Variants in PDZD8 observed in about 807,000 individuals in gnomAD.
The protein encoded by PDZD8 is PDZ domain-containing protein 8.
A neutral mutation model predicts 85.8 loss-of-function variants in PDZD8; 14 were observed. That is an observed-to-expected ratio of 0.16 (90% confidence interval 0.11 to 0.26). The LOEUF (loss-of-function observed/expected upper bound fraction) is 0.26. Ranked by LOEUF, PDZD8 falls within the 10% of genes least tolerant of loss-of-function variation. The pLI, the probability that PDZD8 is intolerant of heterozygous loss-of-function variation, is 1.00. For synonymous variants in PDZD8, 592 were observed against 568.6 expected, an observed-to-expected ratio of 1.04 and a Z score of -0.59; for missense variants, 1,197 against 1,424.3, an observed-to-expected ratio of 0.84 and a Z score of 2.57.
Position 117,285,129 on chromosome 10 carries a change from C to A in PDZD8, c.1604G>T (p.Gly535Val), listed in dbSNP as rs1449440257. The part of the protein sequence containing the change: ...VPTTLSIKPL[G>V]AISPVLNRKL... The stretch of plus-strand genomic sequence containing the variant: ...ACGGTTTAAAACTGGTGATATAGCT[C>A]CAAGGGGTTTAATAGAAAGTGTTGT... The change falls in exon 5 of 5, where the codon GGA becomes GTA. Residue 535 changes from glycine (G) to valine (V), a missense_variant. Around this residue, in one of 4 missense-constraint regions of PDZD8, gnomAD observed 263 missense variants for 261.9 expected, o/e 1.00. Transcript: ENST00000334464. 1 of 1,613,988 alleles carries A rather than the reference C, an allele frequency of 6.2e-7. No individual in the cohort carries two copies. Among genetic ancestry groups the A allele is most frequent in the East Asian group, 2.2e-5 (1 of 44,890 alleles).
chr10:117,298,090 G>T (rs1450902992), intron 3 of PDZD8, among the ~76,000 whole-genome samples: 1 of 151,956 alleles, frequency 6.6e-6, no homozygotes, highest in Non-Finnish European at 1.5e-5. Flanking sequence ...TCAATCAAAT[G>T]CATACTGACT....
At chr10:117,352,120 G>C (rs1323092374) in intron 1 of PDZD8, among the ~76,000 whole-genome samples, 3 of 151,840 alleles carry the variant, frequency 2.0e-5, no homozygotes, top group African/African-American at 7.3e-5. Context: ...CTTACTTTAA[G>C]ATGTCTCTTC....
chr10:117,289,697 A>G (rs1158501870), intron 4 of PDZD8, among the ~76,000 whole-genome samples: 1 of 152,224 alleles, frequency 6.6e-6, no homozygotes, highest in Non-Finnish European at 1.5e-5. Flanking sequence ...GGCCATTTAG[A>G]TGACACAGGA....
rs1363273031 is a variant in PDZD8 at position 117,375,336 on chromosome 10, G to A, written c.-109C>T. The A allele has an allele frequency of 9.4e-7, 1 of 1,065,696 alleles. No individual in the cohort carries two copies. Among genetic ancestry groups the A allele is most frequent in the South Asian group, 1.9e-5 (1 of 51,412 alleles). 66.0% of individuals were successfully genotyped at this position (1,065,696 alleles called of 1,614,324 possible). A position where few individuals can be genotyped will look rare whatever the true frequency, so the allele number is the denominator to read the frequency against. On this transcript the variant is annotated 5_prime_UTR_variant, in exon 1 of 5. Transcript: ENST00000334464. ...TGAGGACATCGGGCGGCTGGGTCGG[G>A]GCGAGCGGCTCCGTGGGCCTCGTCC...
Position 117,374,329 on chromosome 10 carries a change from A to G in PDZD8, c.872+27T>C. The G allele has an allele frequency of 6.2e-7, 1 of 1,606,026 alleles. No individual in the cohort carries two copies. Among genetic ancestry groups the G allele is most frequent in the Non-Finnish European group, 8.5e-7 (1 of 1,174,490 alleles). On this transcript the variant is annotated intron_variant, in intron 1 of 4. Coordinates refer to ENST00000334464, the MANE Select transcript of PDZD8 (RefSeq NM_173791.5). The surrounding 1 kb of genome is among the most constrained non-coding windows in gnomAD (Gnocchi z 7.8). ...GCCCAGGCCCGGGTTCCCGGCAGCC[A>G]GGCCCCCTCCCCGACCTCCAGCTCA...
chr10:117,375,405 C>T lies in PDZD8; in HGVS notation c.-178G>A. On this transcript the variant is annotated 5_prime_UTR_variant, in exon 1 of 5. Transcript: ENST00000334464. Reference sequence around the variant, plus strand: ...GCTGCGGCGCCCGAGCCCGCAGCGGCCCGCGCCTCCTCAGACGCTCCCGAA... The same window carrying T: ...GCTGCGGCGCCCGAGCCCGCAGCGGTCCGCGCCTCCTCAGACGCTCCCGAA... 1 of 325,298 alleles carries T rather than the reference C, an allele frequency of 3.1e-6. No individual in the cohort carries two copies. Among genetic ancestry groups the T allele is most frequent in the Admixed American group, 5.0e-5 (1 of 19,954 alleles). 20.2% of individuals were successfully genotyped at this position (325,298 alleles called of 1,614,324 possible). A position where few individuals can be genotyped will look rare whatever the true frequency, so the allele number is the denominator to read the frequency against.
chr10:117,312,444 C>T (rs931248358), intron 3 of PDZD8, among the ~76,000 whole-genome samples: 1 of 152,138 alleles, frequency 6.6e-6, no homozygotes, highest in Non-Finnish European at 1.5e-5. Context: ...CTCCCCTTTC[C>T]TCCCAGGACA....
intron 2 of PDZD8, among the ~76,000 whole-genome samples, chr10:117,328,225 C>A (rs1051032071): frequency 1.3e-5 from 2 of 152,128 alleles, no homozygotes; most frequent in Non-Finnish European, 2.9e-5. Context: ...CTACAAGTTC[C>A]AGATTTGGTT....
At position 117,346,245 on chromosome 10, in the gene PDZD8, A is replaced by AT. The variant is rs970339520; in HGVS notation, c.873-5144_873-5143insA. On this transcript the variant is annotated intron_variant, in intron 1 of 4. Transcript: ENST00000334464. ...CGAAACTCCGTCCAAAAAAAAAAAA[A>AT]AAAAAACTATAGGGAGGTATTATGA... is the stretch of plus-strand genomic sequence containing the variant. Among the ~76,000 whole-genome samples, 23 of 151,560 alleles carry AT rather than the reference A, an allele frequency of 1.5e-4. 1 individual carries two copies. The East Asian group carries it at 4.5e-3, about 29-fold the overall frequency.
chr10:117,375,353 G>C lies in PDZD8; in HGVS notation c.-126C>G, dbSNP rs1190610824. Reference sequence around the variant, plus strand: ...TGGGTCGGGGCGAGCGGCTCCGTGGGCCTCGTCCAGGGGCTCGGGCCGGCG... The same window carrying C: ...TGGGTCGGGGCGAGCGGCTCCGTGGCCCTCGTCCAGGGGCTCGGGCCGGCG... On this transcript the variant is annotated 5_prime_UTR_variant, in exon 1 of 5. Coordinates refer to ENST00000334464, the MANE Select transcript of PDZD8 (RefSeq NM_173791.5). The C allele has an allele frequency of 2.6e-6, 2 of 764,176 alleles. No individual in the cohort carries two copies. The highest frequency in any genetic ancestry group is 8.0e-5 in the Admixed American group (2 of 24,950). 47.3% of individuals were successfully genotyped at this position (764,176 alleles called of 1,614,324 possible).
chr10:117,312,010 T>A (rs937192593), intron 3 of PDZD8, among the ~76,000 whole-genome samples: 3 of 152,040 alleles, frequency 2.0e-5, no homozygotes, highest in Admixed American at 6.6e-5. Context: ...GCTTTCCCAG[T>A]TCACTCCTAT....
chr10:117,283,539 G>A lies in PDZD8; in HGVS notation c.3194C>T (p.Thr1065Ile), dbSNP rs1442408534. The A allele has an allele frequency of 1.2e-6, 2 of 1,614,200 alleles. No individual in the cohort carries two copies. The highest frequency in any genetic ancestry group is 2.2e-5 in the East Asian group (1 of 44,894). ...NSLVREEKET[T>I]DTRKKSLLSA... is the part of the protein sequence containing the mutation. Reference sequence around the variant, plus strand: ...AAGAAGTGATTTTTTCCTTGTATCAGTTGTCTCTTTTTCTTCTCTAACAAG... The same window carrying A: ...AAGAAGTGATTTTTTCCTTGTATCAATTGTCTCTTTTTCTTCTCTAACAAG... The change falls in exon 5 of 5, where the codon ACT (threonine) becomes ATT (isoleucine). Residue 1065 changes from threonine to isoleucine, a missense_variant. By Grantham distance (89) the Thr-to-Ile change is moderately conservative. Coordinates refer to ENST00000334464, the MANE Select transcript of PDZD8 (RefSeq NM_173791.5).
chr10:117,365,679 A>G lies in PDZD8; in HGVS notation c.872+8677T>C, dbSNP rs564787003. ...CCTAGTACAAATACAGGAAGTGTAC[A>G]GTTTTATGCCAGTCTTAGCAATTTG... On this transcript the variant is annotated intron_variant, in intron 1 of 4. Coordinates refer to ENST00000334464, the MANE Select transcript of PDZD8 (RefSeq NM_173791.5). 2.0e-5 allele frequency among the ~76,000 whole-genome samples: 3 copies of G among 152,268 alleles called. No homozygotes were observed. In the East Asian group the frequency reaches 5.8e-4, roughly 29 times the overall value.
chr10:117,292,921 C>T (rs894008748), intron 3 of PDZD8, among the ~76,000 whole-genome samples: 6 of 151,878 alleles, frequency 4.0e-5, no homozygotes, highest in African/African-American at 1.2e-4. Context: ...GTTTCTTTTA[C>T]AAGCTGGTTT....
At chr10:117,341,463 T>C (rs1017774779) in intron 1 of PDZD8, among the ~76,000 whole-genome samples, 10 of 152,262 alleles carry the variant, frequency 6.6e-5, no homozygotes, top group African/African-American at 2.2e-4. Flanking sequence ...GCATGTTCCA[T>C]GGAAATAATA....
intron 3 of PDZD8, among the ~76,000 whole-genome samples, chr10:117,310,099 T>C (rs1409060690): frequency 6.6e-6 from 1 of 152,194 alleles, no homozygotes; most frequent in Non-Finnish European, 1.5e-5. Context: ...TCATATTCTT[T>C]AGCCAACTTG....
rs540499912 is a variant in PDZD8 at position 117,355,204 on chromosome 10, C to T, written c.873-14102G>A. Among the ~76,000 whole-genome samples, 4 of 152,284 alleles carry T rather than the reference C, an allele frequency of 2.6e-5. No individual in the cohort carries two copies. The South Asian group carries it at 8.3e-4, about 32-fold the overall frequency. Reference sequence around the variant, plus strand: ...GTATTATTTCTCCTGAGAAACTGTACCTGCTAAACACTCTGATGCCATACG... The same window carrying T: ...GTATTATTTCTCCTGAGAAACTGTATCTGCTAAACACTCTGATGCCATACG... On this transcript the variant is annotated intron_variant, in intron 1 of 4. Coordinates refer to ENST00000334464, the MANE Select transcript of PDZD8 (RefSeq NM_173791.5).
chr10:117,288,760 G>A (rs1224540478), intron 4 of PDZD8, among the ~76,000 whole-genome samples: 1 of 152,218 alleles, frequency 6.6e-6, no homozygotes, highest in Non-Finnish European at 1.5e-5. Flanking sequence ...CACCCGCCTC[G>A]GCCTCCCAAA....
intron 4 of PDZD8, among the ~76,000 whole-genome samples, chr10:117,288,896 AATTT>A (rs1171791157): frequency 2.6e-5 from 4 of 152,334 alleles, no homozygotes; most frequent in Admixed American, 1.3e-4. Flanking sequence ...TAGGTTAATT[AATTT>A]ATTTTTGATA....
Sources: gnomAD v4.1 joint callset for allele counts (sites outside exome capture counted in the v4.1 genomes callset) on GRCh38, gnomAD v4.1.1 for gene constraint, gnomAD v4.1.1 regional missense constraint, Gnocchi (gnomAD v3.1) non-coding constraint, MANE v1.5 for transcripts, NCBI Gene and HGNC (gene_info 2026-07-23, HGNC 2026-07-21) for gene names.